SLC8A1: variants seen among roughly 807,000 people sequenced by gnomAD.
SLC8A1 encodes sodium/calcium exchanger 1.
A neutral mutation model predicts 68.3 loss-of-function variants in SLC8A1; 18 were observed. That is an observed-to-expected ratio of 0.26 (90% CI 0.18 to 0.39). SLC8A1 has a LOEUF of 0.39. Ranked by LOEUF, SLC8A1 falls within the 10% of genes least tolerant of loss-of-function variation. The pLI is 1.00. For missense variants in SLC8A1, 985 were observed against 1,156.7 expected, an observed-to-expected ratio of 0.85 and a Z score of 2.15; for synonymous variants, 475 against 415.5, an observed-to-expected ratio of 1.14 and a Z score of -1.74.
At chr2:40,439,890 C>G (rs114723202) in intron 1 of SLC8A1, among the ~76,000 whole-genome samples, 2,597 of 152,220 alleles carry the variant, frequency 0.017, 62 homozygotes, top group African/African-American at 0.06. Context: ...TTGTATGCTA[C>G]AATTTTCTAA....
In SLC8A1 at chr2:40,313,972, G is replaced by T. The variant is rs115994657; in HGVS notation, c.1808+114501C>A. 3.5e-3 allele frequency among the ~76,000 whole-genome samples: 530 copies of T among 151,918 alleles called. 5 individuals are homozygous for T. Among genetic ancestry groups the T allele is most frequent in the African/African-American group, 0.012 (504 of 41,446 alleles). ...TTTGCCAGTATTTTCTTTCAGTCTA[G>T]CCTGTCTTTTCCTTCACTGAACAAC... is the stretch of plus-strand genomic sequence containing the variant. On this transcript the variant is annotated intron_variant, in intron 2 of 7. Coordinates refer to ENST00000406785, the Ensembl canonical transcript of SLC8A1.
intron 2 of SLC8A1, among the ~76,000 whole-genome samples, chr2:40,298,343 C>T (rs953308482): frequency 3.9e-5 from 6 of 152,172 alleles, no homozygotes; most frequent in African/African-American, 1.4e-4. Context: ...GACTACTTGG[C>T]TCTTTTCTTT....
intron 1 of SLC8A1, among the ~76,000 whole-genome samples, chr2:40,450,273 G>C (rs563427659): frequency 6.6e-6 from 1 of 152,212 alleles, no homozygotes; most frequent in Non-Finnish European, 1.5e-5. Flanking sequence ...TGAAATGAAT[G>C]AAACATCTAG....
chr2:40,223,367 G>T (rs1014000375), intron 2 of SLC8A1, among the ~76,000 whole-genome samples: 3 of 152,032 alleles, frequency 2.0e-5, no homozygotes, highest in Non-Finnish European at 4.4e-5. Context: ...GGCCTGTCAG[G>T]GGGTGGGGAG....
intron 2 of SLC8A1, among the ~76,000 whole-genome samples, chr2:40,308,850 G>T (rs2073156590): frequency 6.6e-6 from 1 of 152,096 alleles, no homozygotes; most frequent in African/African-American, 2.4e-5. Context: ...CTTCTCTGGA[G>T]GCTTTTAAAA....
chr2:40,328,489 TA>T (rs148229960), intron 2 of SLC8A1, among the ~76,000 whole-genome samples: 2,539 of 152,262 alleles, frequency 0.017, 78 homozygotes, highest in African/African-American at 0.058. Context: ...TATATTTCTG[TA>T]GGTAATGTCA....
chr2:40,139,808 T>G, intron 6 of SLC8A1, 132 bp from the exon 10 acceptor site: 1 of 886,716 alleles, frequency 1.1e-6, no homozygotes, highest in East Asian at 2.4e-5. Flanking sequence ...GGGTGAAGTT[T>G]AGGGTTTTCC....
chr2:40,269,363 C>T (rs140573877), intron 2 of SLC8A1, among the ~76,000 whole-genome samples: 83 of 152,158 alleles, frequency 5.5e-4, no homozygotes, highest in African/African-American at 1.7e-3. Context: ...AATAAAACAC[C>T]GTGTGAATGT....
intron 2 of SLC8A1, among the ~76,000 whole-genome samples, chr2:40,277,269 G>C (rs12712690): frequency 0.15 from 23,117 of 151,772 alleles, 2,107 homozygotes; most frequent in East Asian, 0.42. Context: ...TGCTGGGCAC[G>C]GTAGCTCACG....
chr2:40,384,676 T>C (rs1242125502), intron 2 of SLC8A1, among the ~76,000 whole-genome samples: 1 of 152,138 alleles, frequency 6.6e-6, no homozygotes, highest in Non-Finnish European at 1.5e-5. Flanking sequence ...TTTTTATTTA[T>C]GTATCAGGGA....
chr2:40,291,436 A>C (rs970529741), intron 2 of SLC8A1, among the ~76,000 whole-genome samples: 3 of 151,918 alleles, frequency 2.0e-5, no homozygotes, highest in Non-Finnish European at 2.9e-5. Flanking sequence ...TCATATTCCG[A>C]AAGTTTCCTA....
At chr2:40,135,640 C>A (rs1030973741) in intron 7 of SLC8A1, among the ~76,000 whole-genome samples, 2 of 152,136 alleles carry the variant, frequency 1.3e-5, no homozygotes, top group Non-Finnish European at 1.5e-5. Flanking sequence ...CTTGCTTGAA[C>A]CCGAGAGGCG....
intron 6 of SLC8A1, among the ~76,000 whole-genome samples, chr2:40,142,795 T>A (rs1001594258): frequency 1.3e-5 from 2 of 152,204 alleles, no homozygotes; most frequent in Non-Finnish European, 2.9e-5. Flanking sequence ...ATTATTTCCC[T>A]CCATTTAAGA....
exon 8 of SLC8A1, chr2:40,110,587 G>A (rs1268412765): frequency 6.6e-6 from 1 of 152,180 alleles, no homozygotes; most frequent in Non-Finnish European, 1.5e-5. Context: ...TTGGCCAAGT[G>A]AAGTGATTAC....
At chr2:40,418,154 C>A (rs77374817) in intron 2 of SLC8A1, among the ~76,000 whole-genome samples, 1 of 152,018 alleles carries the variant, frequency 6.6e-6, no homozygotes, top group Non-Finnish European at 1.5e-5. Context: ...AAATAACAAC[C>A]GCAAGATAGT....
intron 2 of SLC8A1, among the ~76,000 whole-genome samples, chr2:40,202,055 C>T (rs1294760197): frequency 6.6e-6 from 1 of 151,890 alleles, no homozygotes; most frequent in Non-Finnish European, 1.5e-5. Context: ...GGTGTGTGCA[C>T]CCTAGACCTT....
intron 2 of SLC8A1, among the ~76,000 whole-genome samples, chr2:40,216,326 G>C (rs1322534048): frequency 6.6e-6 from 1 of 152,066 alleles, no homozygotes; most frequent in South Asian, 2.1e-4. Context: ...CCTTGCAAAG[G>C]ACATGATCTC....
rs75144506 is a variant in SLC8A1 at position 40,121,886 on chromosome 2, T to C, written c.2438-6257A>G. 5.8e-3 allele frequency among the ~76,000 whole-genome samples: 881 copies of C among 152,278 alleles called. 19 individuals are homozygous for C. The highest frequency in any genetic ancestry group is 0.03 in the East Asian group (157 of 5,174). ...ATAGAGCTTAAAATTCTTAATTATT[T>C]TACTTTGAAAATTTCATACAACCAA... On this transcript the variant is annotated intron_variant, in intron 7 of 7. Coordinates refer to ENST00000406785, the Ensembl canonical transcript of SLC8A1.
chr2:40,480,612 C>G (rs376582156), intron 1 of SLC8A1, among the ~76,000 whole-genome samples: 4 of 152,252 alleles, frequency 2.6e-5, no homozygotes, highest in African/African-American at 9.6e-5. Context: ...ACTGCCCTAA[C>G]TTTGCTTAGA....
Sources: gnomAD v4.1 joint callset for allele counts (sites outside exome capture counted in the v4.1 genomes callset) on GRCh38, gnomAD v4.1.1 for gene constraint, MANE v1.5 for transcripts, NCBI Gene and HGNC (gene_info 2026-07-23, HGNC 2026-07-21) for gene names.